AFG2A: variants seen among roughly 807,000 people sequenced by gnomAD.
AFG2A encodes AAA ATPase AFG2A, also known as ATPase family gene 2 protein homolog A.
chr4:123,280,521 G>A, the AFG2A span, among the ~76,000 whole-genome samples: 1 of 152,178 alleles, frequency 6.6e-6, no homozygotes, highest in Non-Finnish European at 1.5e-5. Context: ...TGTCAGCAGG[G>A]CTGTAATCCT....
chr4:122,950,835 G>A, the AFG2A span, among the ~76,000 whole-genome samples: 2 of 152,222 alleles, frequency 1.3e-5, no homozygotes, highest in Non-Finnish European at 2.9e-5. Context: ...CTCTGGCCCT[G>A]GGTGATCTTT....
At chr4:123,169,776 C>T in the AFG2A span, among the ~76,000 whole-genome samples, 634 of 152,268 alleles carry the variant, frequency 4.2e-3, 1 homozygote, top group African/African-American at 0.014. Context: ...CCACCGCGCC[C>T]GGCCTGTTCT....
chr4:123,077,765 C>CTA, the AFG2A span, among the ~76,000 whole-genome samples: 2 of 152,168 alleles, frequency 1.3e-5, no homozygotes, highest in African/African-American at 2.4e-5. Flanking sequence ...CTAACCAAAC[C>CTA]TACTCTTTGC....
At chr4:122,955,822 T>G in the AFG2A span, among the ~76,000 whole-genome samples, 1 of 152,192 alleles carries the variant, frequency 6.6e-6, no homozygotes, top group Non-Finnish European at 1.5e-5. Context: ...TTTGGTACAT[T>G]TTGCTCTAGG....
the AFG2A span, among the ~76,000 whole-genome samples, chr4:123,195,215 C>T: frequency 1.3e-5 from 2 of 152,188 alleles, no homozygotes; most frequent in African/African-American, 2.4e-5. Flanking sequence ...CAAATGTTCC[C>T]TTTTCTCGAA....
At chr4:123,036,383 T>C in the AFG2A span, among the ~76,000 whole-genome samples, 1 of 151,926 alleles carries the variant, frequency 6.6e-6, no homozygotes, top group Admixed American at 6.6e-5. Context: ...AGGTTGGAGG[T>C]GAGAGAGAAA....
chr4:123,315,072 T>G, the AFG2A span: 3 of 148,982 alleles, frequency 2.0e-5, no homozygotes, highest in Non-Finnish European at 3.0e-5. Flanking sequence ...TGTGTTTTTG[T>G]TTTTTTTTCA....
the AFG2A span, among the ~76,000 whole-genome samples, chr4:123,257,465 C>T: frequency 4.6e-5 from 7 of 152,170 alleles, no homozygotes; most frequent in Admixed American, 4.6e-4. Context: ...TTTACCAGGA[C>T]ATAGCCCCAT....
chr4:123,106,273 T>C, the AFG2A span, among the ~76,000 whole-genome samples: 1 of 152,358 alleles, frequency 6.6e-6, no homozygotes, highest in South Asian at 2.1e-4. Context: ...TGGTATTGCA[T>C]ACTTAGTAGA....
chr4:123,151,423 G>GA, the AFG2A span, among the ~76,000 whole-genome samples: 12 of 151,952 alleles, frequency 7.9e-5, no homozygotes, highest in South Asian at 2.1e-4. Flanking sequence ...AAATTTACAA[G>GA]AAAAAAACAA....
chr4:123,057,355 G>A, the AFG2A span: 1 of 1,463,246 alleles, frequency 6.8e-7, no homozygotes, highest in Non-Finnish European at 9.5e-7. Context: ...AGCAATTATG[G>A]TATAAATAGC....
chr4:123,118,277 G>A, the AFG2A span, among the ~76,000 whole-genome samples: 1 of 124,436 alleles, frequency 8.0e-6, no homozygotes. Flanking sequence ...AAATATATAT[G>A]CAAATATAAA....
At chr4:123,171,340 T>C in the AFG2A span, among the ~76,000 whole-genome samples, 4 of 152,128 alleles carry the variant, frequency 2.6e-5, no homozygotes, top group Admixed American at 2.0e-4. Context: ...ACTATAAATA[T>C]ACATTTGTTC....
At chr4:123,051,430 A>G in the AFG2A span, among the ~76,000 whole-genome samples, 1 of 151,998 alleles carries the variant, frequency 6.6e-6, no homozygotes, top group Non-Finnish European at 1.5e-5. Flanking sequence ...TGATTTTACA[A>G]CTTGCTGTTT....
the AFG2A span, among the ~76,000 whole-genome samples, chr4:123,192,751 C>A: frequency 6.6e-6 from 1 of 152,208 alleles, no homozygotes; most frequent in Non-Finnish European, 1.5e-5. Flanking sequence ...CAGCTGCCTT[C>A]CTATTCCTCA....
At chr4:123,028,073 A>C in the AFG2A span, 1 of 851,884 alleles carries the variant, frequency 1.2e-6, no homozygotes, top group East Asian at 2.5e-5. Flanking sequence ...CCTGATTCTT[A>C]AATGGTTCTA....
the AFG2A span, chr4:122,936,045 A>T: frequency 2.5e-5 from 36 of 1,457,788 alleles, no homozygotes; most frequent in Non-Finnish European, 3.2e-5. Flanking sequence ...GCTTTTATAG[A>T]CAAAGCTTTA....
the AFG2A span, among the ~76,000 whole-genome samples, chr4:123,082,722 G>A: frequency 6.6e-6 from 1 of 152,116 alleles, no homozygotes; most frequent in East Asian, 1.9e-4. Flanking sequence ...TGGGGTTTTG[G>A]TTGGGATTGC....
the AFG2A span, among the ~76,000 whole-genome samples, chr4:123,145,778 G>C: frequency 1.3e-5 from 2 of 151,988 alleles, no homozygotes; most frequent in Admixed American, 1.3e-4. Flanking sequence ...TGGTATATTG[G>C]TTAAAGAATA....
Sources: gnomAD v4.1 joint callset for allele counts (sites outside exome capture counted in the v4.1 genomes callset) on GRCh38, gnomAD v4.1.1 for gene constraint, MANE v1.5 for transcripts, NCBI Gene and HGNC (gene_info 2026-07-23, HGNC 2026-07-21) for gene names.